CCDC7: variants seen among roughly 807,000 people sequenced by gnomAD.
CCDC7 encodes the protein coiled-coil domain-containing protein 7.
Under a neutral mutation model 196.9 loss-of-function variants are expected in CCDC7, and 183 were observed. The observed-to-expected ratio is 0.93, with a 90% CI of 0.82 to 1.05. The LOEUF (loss-of-function observed/expected upper bound fraction) is 1.05, where lower values mean the gene tolerates loss of function less well. Ranked by LOEUF, CCDC7 falls within the 50% of genes least tolerant of loss-of-function variation. CCDC7 has a pLI of 0.00. For missense variants in CCDC7, 1,540 were observed against 1,482.2 expected, an observed-to-expected ratio of 1.04 and a Z score of -0.64; for synonymous variants, 525 against 484.6, an observed-to-expected ratio of 1.08 and a Z score of -1.10.
rs181598832 is a variant in CCDC7 at position 32,508,543 on chromosome 10, A to G, written c.873-9402A>G. 1.7e-4 allele frequency among the ~76,000 whole-genome samples: 26 copies of G among 152,346 alleles called. No individual in the cohort carries two copies. The East Asian group carries it at 4.8e-3, about 28-fold the overall frequency. ...TTTTCACAGACATAAAACAAATCCTAAAATTCATATGCAATTTCAAAAGGC... is the reference window on the plus strand; with the variant it reads ...TTTTCACAGACATAAAACAAATCCTGAAATTCATATGCAATTTCAAAAGGC... On this transcript the variant is annotated intron_variant, in intron 9 of 41. Coordinates refer to ENST00000639629, the Ensembl canonical transcript of CCDC7.
intron 13 of CCDC7, among the ~76,000 whole-genome samples, chr10:32,553,054 G>T (rs1423877896): frequency 1.4e-5 from 2 of 146,806 alleles, no homozygotes; most frequent in Non-Finnish European, 3.0e-5. Context: ...CAGGAAAATC[G>T]TTTATTCTTA....
chr10:32,471,281 A>G lies in CCDC7; in HGVS notation c.677+51A>G, dbSNP rs181747020. 8.3e-5 allele frequency: 131 copies of G among 1,574,850 alleles called. No homozygotes were observed. The East Asian group carries it at 2.7e-3, about 33-fold the overall frequency. On this transcript the variant is annotated intron_variant, in intron 6 of 41. Coordinates refer to ENST00000639629, the Ensembl canonical transcript of CCDC7. ...AATTAAAAACAGTAAGAAAGGGTAT[A>G]TAATTAGCACTGAATGTAAGATAAT...
intron 29 of CCDC7, among the ~76,000 whole-genome samples, chr10:32,791,752 G>GACATT (rs1238350241): frequency 6.6e-6 from 1 of 152,062 alleles, no homozygotes; most frequent in East Asian, 1.9e-4. Flanking sequence ...AGCAAACATT[G>GACATT]ACATTACAGG....
chr10:32,833,559 C>T (rs139619237), intron 32 of CCDC7, among the ~76,000 whole-genome samples: 15 of 152,116 alleles, frequency 9.9e-5, no homozygotes, highest in East Asian at 1.9e-4. Flanking sequence ...GCTTATCTAA[C>T]GCAAATGAAT....
chr10:32,596,259 T>C (rs1048640012), intron 18 of CCDC7, among the ~76,000 whole-genome samples: 6 of 152,238 alleles, frequency 3.9e-5, no homozygotes, highest in Admixed American at 6.5e-5. Context: ...TAGCTCTTCT[T>C]GTTGCATTGA....
chr10:32,518,521 GTGTTTGAAAATGGCATACA>G lies in CCDC7; in HGVS notation c.993+17_993+35del. On this transcript the variant is annotated intron_variant, in intron 11 of 41. Transcript: ENST00000639629. ...GGACAAAGAGGTTGGAAAAATTTTA[GTGTTTGAAAATGGCATACA>G]CCTAATAAGGCTTATTATGTTAGGA... 6.3e-7 allele frequency: 1 copy of G among 1,597,924 alleles called. No homozygotes were observed. The highest frequency in any genetic ancestry group is 8.5e-7 in the Non-Finnish European group (1 of 1,173,332).
intron 18 of CCDC7, among the ~76,000 whole-genome samples, chr10:32,589,790 A>G (rs189701048): frequency 1.3e-5 from 2 of 152,248 alleles, no homozygotes; most frequent in Admixed American, 6.5e-5. Flanking sequence ...TTACCCCTTT[A>G]TCATTACATA....
intron 18 of CCDC7, among the ~76,000 whole-genome samples, chr10:32,620,385 G>C (rs1196082162): frequency 6.6e-6 from 1 of 151,912 alleles, no homozygotes; most frequent in Non-Finnish European, 1.5e-5. Flanking sequence ...CTCTACTGAT[G>C]TTGCCAGACA....
At position 32,638,847 on chromosome 10, in the gene CCDC7, A is replaced by C. The variant is rs189433391; in HGVS notation, c.2014+3689A>C. ...TACCTCTGGTAGAATTCGGCTGTGA[A>C]TCCATCTGGTCCTGGACTTTTTTTG... On this transcript the variant is annotated intron_variant, in intron 20 of 41. Transcript: ENST00000639629. Among the ~76,000 whole-genome samples the C allele has an allele frequency of 5.9e-3, 901 of 152,238 alleles. 10 individuals carry two copies. Among genetic ancestry groups the C allele is most frequent in the African/African-American group, 0.021 (859 of 41,508 alleles).
intron 11 of CCDC7, among the ~76,000 whole-genome samples, chr10:32,537,488 G>A (rs369634304): frequency 6.6e-6 from 1 of 152,078 alleles, no homozygotes; most frequent in Admixed American, 6.6e-5. Context: ...TTATGCAGAA[G>A]CTCTTTAGTT....
chr10:32,534,008 A>C (rs2050096287), intron 11 of CCDC7, among the ~76,000 whole-genome samples: 1 of 151,972 alleles, frequency 6.6e-6, no homozygotes, highest in Non-Finnish European at 1.5e-5. Context: ...TCTTTTCCTC[A>C]GCTCTCTCTT....
intron 18 of CCDC7, among the ~76,000 whole-genome samples, chr10:32,584,587 C>T (rs2059057122): frequency 6.6e-6 from 1 of 150,874 alleles, no homozygotes; most frequent in Admixed American, 6.6e-5. Context: ...GAAACCCTGT[C>T]TCTATTAAAA....
At chr10:32,644,813 C>T (rs951813924) in intron 20 of CCDC7, among the ~76,000 whole-genome samples, 16 of 152,198 alleles carry the variant, frequency 1.1e-4, no homozygotes, top group Admixed American at 5.2e-4. Flanking sequence ...TCCCCAGTCA[C>T]CTGGAACTGT....
At chr10:32,808,432 A>G (rs2086329546) in intron 30 of CCDC7, among the ~76,000 whole-genome samples, 1 of 152,144 alleles carries the variant, frequency 6.6e-6, no homozygotes. Context: ...CTGGAGGATG[A>G]ACTCAGCTAG....
chr10:32,616,949 A>G (rs2062843406), intron 18 of CCDC7, among the ~76,000 whole-genome samples: 1 of 149,672 alleles, frequency 6.7e-6, no homozygotes, highest in Non-Finnish European at 1.5e-5. Context: ...TATGTGATGT[A>G]TTTCATTTAT....
chr10:32,670,391 T>A (rs78341889), intron 21 of CCDC7, among the ~76,000 whole-genome samples: 52,034 of 151,418 alleles, frequency 0.34, 10,392 homozygotes, highest in African/African-American at 0.55. Context: ...CTTTTTTTTT[T>A]AAATTTATTA....
At chr10:32,631,050 A>G (rs1046046849) in intron 18 of CCDC7, among the ~76,000 whole-genome samples, 4 of 152,212 alleles carry the variant, frequency 2.6e-5, no homozygotes, top group African/African-American at 7.2e-5. Flanking sequence ...AGGCAAAGGA[A>G]GGCCATATGT....
chr10:32,496,323 T>C (rs1344618734), intron 9 of CCDC7, among the ~76,000 whole-genome samples: 1 of 152,210 alleles, frequency 6.6e-6, no homozygotes, highest in Non-Finnish European at 1.5e-5. Flanking sequence ...AATCATGTCA[T>C]CTGCAAAGAG....
intron 15 of CCDC7, among the ~76,000 whole-genome samples, chr10:32,571,310 G>C (rs2057527841): frequency 6.6e-6 from 1 of 151,880 alleles, no homozygotes; most frequent in Non-Finnish European, 1.5e-5. Context: ...TGCCCGGCTG[G>C]CCTAACCTTT....
Sources: gnomAD v4.1 joint callset for allele counts (sites outside exome capture counted in the v4.1 genomes callset) on GRCh38, gnomAD v4.1.1 for gene constraint, MANE v1.5 for transcripts, NCBI Gene and HGNC (gene_info 2026-07-23, HGNC 2026-07-21) for gene names.